The following ATP10B variants were observed in gnomAD, a reference collection of about 807,000 sequenced individuals.
ATP10B encodes the protein ATPase phospholipid transporting 10B (putative), also known as phospholipid-transporting ATPase VB.
A neutral mutation model predicts 141.2 loss-of-function variants in ATP10B; 122 were observed. That is an observed-to-expected ratio of 0.86 (90% CI 0.75 to 1.00). ATP10B has a LOEUF of 1.00. Ranked by LOEUF, ATP10B falls within the 50% of genes least tolerant of loss-of-function variation. ATP10B has a pLI of 0.00. For missense variants in ATP10B, 1,876 were observed against 1,825.3 expected (o/e 1.03, Z -0.51); for synonymous variants, 685 against 692.0 (o/e 0.99, Z 0.16).
At chr5:160,795,997 G>T (rs1771926053) in intron 1 of ATP10B, among the ~76,000 whole-genome samples, 1 of 152,104 alleles carries the variant, frequency 6.6e-6, no homozygotes, top group Non-Finnish European at 1.5e-5. Context: ...GTGACTGGGG[G>T]TCATTCTGCC....
intron 2 of ATP10B, among the ~76,000 whole-genome samples, chr5:160,722,694 G>T (rs1766069709): frequency 6.6e-6 from 1 of 152,136 alleles, no homozygotes; most frequent in African/African-American, 2.4e-5. Flanking sequence ...CCATCACTGG[G>T]AACATCCAAC....
At chr5:160,631,472 A>G (rs925644367) in intron 13 of ATP10B, among the ~76,000 whole-genome samples, 20 of 152,270 alleles carry the variant, frequency 1.3e-4, no homozygotes, top group African/African-American at 4.8e-4. Context: ...AGCAATGCCC[A>G]TAAGGGCCGA....
intron 1 of ATP10B, among the ~76,000 whole-genome samples, chr5:160,823,407 C>T (rs191087011): frequency 1.3e-5 from 2 of 151,948 alleles, no homozygotes; most frequent in East Asian, 3.9e-4. Flanking sequence ...GGGGTGAGGG[C>T]AAACATTAGA....
intron 1 of ATP10B, among the ~76,000 whole-genome samples, chr5:160,800,809 C>T (rs1359810907): frequency 1.3e-5 from 2 of 152,204 alleles, no homozygotes; most frequent in Non-Finnish European, 2.9e-5. Flanking sequence ...AGAATGACAT[C>T]AGCTTAAGAA....
intron 24 of ATP10B, among the ~76,000 whole-genome samples, chr5:160,583,863 G>A (rs1304405003): frequency 6.6e-6 from 1 of 152,128 alleles, no homozygotes; most frequent in Non-Finnish European, 1.5e-5. Context: ...CTCAGTAATG[G>A]TGGACACCCC....
chr5:160,590,424 T>C (rs1032203098), intron 23 of ATP10B, among the ~76,000 whole-genome samples: 1 of 152,190 alleles, frequency 6.6e-6, no homozygotes, highest in Non-Finnish European at 1.5e-5. Flanking sequence ...AGTGTTTACC[T>C]GGTGGCAATT....
chr5:160,920,856 G>A, the ATP10B span, among the ~76,000 whole-genome samples: 2 of 152,176 alleles, frequency 1.3e-5, no homozygotes, highest in African/African-American at 4.8e-5. Context: ...GCTGGTCAGG[G>A]GGCCTCACTT....
the ATP10B span, among the ~76,000 whole-genome samples, chr5:160,882,389 C>G: frequency 0.013 from 1,914 of 152,194 alleles, 39 homozygotes; most frequent in African/African-American, 0.044. Flanking sequence ...GCATCTTCCT[C>G]TCAACTTTGC....
At chr5:160,573,844 G>A (rs1016543685) in intron 24 of ATP10B, among the ~76,000 whole-genome samples, 4 of 152,096 alleles carry the variant, frequency 2.6e-5, no homozygotes, top group Admixed American at 1.3e-4. Context: ...ACTATTACAT[G>A]GTATGAACAG....
In ATP10B at chr5:160,716,892, C is replaced by G. The variant is rs1043881213; in HGVS notation, c.-205+17G>C. The stretch of plus-strand genomic sequence containing the variant: ...TAGGAAAAGGAAAGAAACGGGGAAG[C>G]AACGCAAAAGATATACCTGTTAGCG... On this transcript the variant is annotated intron_variant, in intron 3 of 25. Transcript: ENST00000327245. 1.4e-5 allele frequency: 14 copies of G among 985,240 alleles called. No individual in the cohort carries two copies. The highest frequency in any genetic ancestry group is 1.1e-4 in the East Asian group (1 of 8,812). 61.0% of individuals were successfully genotyped at this position (985,240 alleles called of 1,614,324 possible). A position where few individuals can be genotyped will look rare whatever the true frequency, so the allele number is the denominator to read the frequency against.
Position 160,564,411 on chromosome 5 carries a change from C to A in ATP10B, c.*1042G>T, listed in dbSNP as rs1754422051. On this transcript the variant is annotated 3_prime_UTR_variant, in exon 26 of 26. Transcript: ENST00000327245. ...CTGTGAAGTGACACTTGCTCTGACT[C>A]TAACTGATGCAGGCCAGTGTCTTCC... 1 of 152,094 alleles carries A rather than the reference C, an allele frequency of 6.6e-6. No individual in the cohort carries two copies. The highest frequency in any genetic ancestry group is 1.5e-5 in the Non-Finnish European group (1 of 68,018). 9.4% of individuals were successfully genotyped at this position (152,094 alleles called of 1,614,324 possible).
chr5:160,633,118 TG>T (rs1441351028), intron 12 of ATP10B: 25 of 152,236 alleles, frequency 1.6e-4, no homozygotes, highest in Admixed American at 1.6e-3. Flanking sequence ...ACACTGTTGG[TG>T]GGAGTACAAA....
At position 160,688,036 on chromosome 5, in the gene ATP10B, C is replaced by T. The variant is rs375180081; in HGVS notation, c.39G>A (p.Gln13=). 1.9e-6 allele frequency: 3 copies of T among 1,613,658 alleles called. No individual in the cohort carries two copies. Among genetic ancestry groups the T allele is most frequent in the Admixed American group, 1.7e-5 (1 of 59,998 alleles). Residue 13 remains glutamine, a synonymous_variant, in exon 5 of 26, where the codon CAG becomes CAA. Coordinates refer to ENST00000327245, the MANE Select transcript of ATP10B (RefSeq NM_025153.3). ...GGGGGAAGCCATCTCTGACTCTCCA[C>T]TGCCACCGATGCCACGATGAGTCCA... ...LSVDSSWHRW[Q]WRVRDGFPHC... is the part of the protein sequence containing the mutation.
chr5:160,737,713 A>AG (rs1379223977), intron 2 of ATP10B, among the ~76,000 whole-genome samples: 2 of 152,200 alleles, frequency 1.3e-5, no homozygotes, highest in Admixed American at 1.3e-4. Flanking sequence ...GAGAAATATG[A>AG]GAAAAAAGAA....
intron 15 of ATP10B, among the ~76,000 whole-genome samples, chr5:160,618,391 G>A (rs1041581145): frequency 3.3e-5 from 5 of 152,146 alleles, no homozygotes; most frequent in Admixed American, 3.3e-4. Context: ...TCTCTGGATG[G>A]CCAACTGACT....
intron 2 of ATP10B, among the ~76,000 whole-genome samples, chr5:160,758,776 T>A (rs1768820580): frequency 6.6e-6 from 1 of 152,152 alleles, no homozygotes; most frequent in Non-Finnish European, 1.5e-5. Context: ...GAGTCAAGAT[T>A]TAGATGGAGA....
chr5:160,904,213 G>C, the ATP10B span, among the ~76,000 whole-genome samples: 1 of 152,080 alleles, frequency 6.6e-6, no homozygotes, highest in African/African-American at 2.4e-5. Context: ...GCAGAACATT[G>C]TTAGTCTAGT....
At chr5:160,886,507 C>T in the ATP10B span, among the ~76,000 whole-genome samples, 5 of 152,102 alleles carry the variant, frequency 3.3e-5, no homozygotes, top group African/African-American at 1.2e-4. Context: ...GAAGTTAAAG[C>T]CCATCTGGGC....
At position 160,659,418 on chromosome 5, in the gene ATP10B, T is replaced by G. The variant is rs377761240; in HGVS notation, c.676-10162A>C. Among the ~76,000 whole-genome samples the G allele has an allele frequency of 1.1e-4, 17 of 152,158 alleles. No individual in the cohort carries two copies. The South Asian group carries it at 3.5e-3, about 32-fold the overall frequency. ...AGGCAGAGGTTGCAGTGAGCTGAGA[T>G]CGCGCCATTGCACTCCAGCCCAGGC... On this transcript the variant is annotated intron_variant, in intron 7 of 25. Transcript: ENST00000327245.
Sources: gnomAD v4.1 joint callset for allele counts (sites outside exome capture counted in the v4.1 genomes callset) on GRCh38, gnomAD v4.1.1 for gene constraint, MANE v1.5 for transcripts, NCBI Gene and HGNC (gene_info 2026-07-23, HGNC 2026-07-21) for gene names.